The following GOLGA4 variants were observed in gnomAD, a reference collection of about 807,000 sequenced individuals.
GOLGA4 encodes the protein golgin subfamily A member 4.
In GOLGA4, 169 loss-of-function variants were observed where a neutral mutation model predicts 265.9. That is an observed-to-expected ratio of 0.64 (90% CI 0.56 to 0.72). GOLGA4 has a LOEUF of 0.72. Among genes scored for constraint, GOLGA4 ranks in the 30% least tolerant of loss-of-function variants. The pLI is 0.00. For missense variants in GOLGA4, 2,482 were observed against 2,483.4 expected, an observed-to-expected ratio of 1.00 and a Z score of 0.01; for synonymous variants, 923 against 855.8, an observed-to-expected ratio of 1.08 and a Z score of -1.37.
intron 22 of GOLGA4, among the ~76,000 whole-genome samples, chr3:37,355,410 T>TAAGA (rs1051555993): frequency 2.6e-5 from 4 of 152,108 alleles, no homozygotes; most frequent in African/African-American, 9.7e-5. Context: ...TAATACCATA[T>TAAGA]AAGAGCTTGA....
At position 37,325,222 on chromosome 3, in the gene GOLGA4, G is replaced by C. The variant is rs763015095; in HGVS notation, c.3336G>C (p.Gln1112His). The C allele has an allele frequency of 5.0e-6, 8 of 1,612,374 alleles. No individual in the cohort carries two copies. The highest frequency in any genetic ancestry group is 6.8e-6 in the Non-Finnish European group (8 of 1,178,866). Reference sequence around the variant, plus strand: ...AGGATACAACATTAAATGAATTACAGGAACAGTTAAAGCAGAAGTCTGCCC... The same window carrying C: ...AGGATACAACATTAAATGAATTACACGAACAGTTAAAGCAGAAGTCTGCCC... ...VKQDTTLNEL[Q>H]EQLKQKSAHV... The change falls in exon 14 of 24, where the codon CAG becomes CAC. Residue 1112 changes from glutamine (Q) to histidine (H), a missense_variant. This residue lies in a region of GOLGA4 where 1,536 missense variants were observed against 1,483.7 expected (regional missense o/e 1.04). Transcript: ENST00000361924.
At position 37,243,308 on chromosome 3, in the gene GOLGA4, C is replaced by G; in HGVS notation, c.-243C>G. The stretch of plus-strand genomic sequence containing the variant: ...GCCGTTGTCGTCGCCGCCGCGGCTC[C>G]CGGGGCTGGATGGGGGGCCGAGGCC... On this transcript the variant is annotated 5_prime_UTR_variant, in exon 1 of 24. Coordinates refer to ENST00000361924, the MANE Select transcript of GOLGA4 (RefSeq NM_002078.5). 1 of 554,024 alleles carries G rather than the reference C, an allele frequency of 1.8e-6. No homozygotes were observed. Among genetic ancestry groups the G allele is most frequent in the Admixed American group, 3.5e-5 (1 of 28,948 alleles). The allele number at this position is 554,024 out of a possible 1,614,324, so 34.3% of individuals were successfully genotyped here. A position where few individuals can be genotyped will look rare whatever the true frequency, so the allele number is the denominator to read the frequency against.
intron 10 of GOLGA4, among the ~76,000 whole-genome samples, chr3:37,312,379 C>A (rs886601874): frequency 6.6e-6 from 1 of 152,060 alleles, no homozygotes; most frequent in Non-Finnish European, 1.5e-5. Context: ...TCATTATTTC[C>A]GTATTTTCTG....
rs2096968589 is a variant in GOLGA4 at position 37,325,789 on chromosome 3, AAAAG to A, written c.3907_3910del (p.Glu1303IlefsTer6). 1.2e-6 allele frequency: 2 copies of A among 1,613,398 alleles called. No homozygotes were observed. The highest frequency in any genetic ancestry group is 8.5e-7 in the Non-Finnish European group (1 of 1,179,608). On this transcript the variant is annotated frameshift_variant, in exon 14 of 24. Transcript: ENST00000361924. LOFTEE classifies it high-confidence loss of function. ...AACAGGCTACTCATCAGTTAGAAGA[AAAAG>A]AAAATCAAATTAAGAGCATGAAGGC...
chr3:37,346,522 A>G (rs2097056865), intron 20 of GOLGA4, among the ~76,000 whole-genome samples: 1 of 152,204 alleles, frequency 6.6e-6, no homozygotes, highest in South Asian at 2.1e-4. Flanking sequence ...GCTGAATTTA[A>G]TAATAATACA....
chr3:37,313,710 C>T (rs1331324788), intron 10 of GOLGA4, among the ~76,000 whole-genome samples: 1 of 152,072 alleles, frequency 6.6e-6, no homozygotes, highest in Non-Finnish European at 1.5e-5. Flanking sequence ...ATATACAACC[C>T]ACATATATGT....
At position 37,312,399 on chromosome 3, in the gene GOLGA4, C is replaced by T. The variant is rs181422988; in HGVS notation, c.1235-3021C>T. 5.9e-5 allele frequency among the ~76,000 whole-genome samples: 9 copies of T among 152,024 alleles called. No individual in the cohort carries two copies. In the East Asian group the frequency reaches 7.7e-4, roughly 13 times the overall value. ...ATTTCCGTATTTTCTGTATGCTTAA[C>T]GTTAGAATTTATAGTAAAAGAATAT... On this transcript the variant is annotated intron_variant, in intron 10 of 23. Transcript: ENST00000361924.
intron 20 of GOLGA4, among the ~76,000 whole-genome samples, chr3:37,342,456 C>A (rs77742708): frequency 0.019 from 2,853 of 152,286 alleles, 45 homozygotes; most frequent in South Asian, 0.049. Flanking sequence ...TCCCTCTCAT[C>A]ATTTTTACTG....
At chr3:37,328,585 A>G (rs530127597) in intron 15 of GOLGA4, 48 bp downstream of exon 15, 29 of 1,534,168 alleles carry the variant, frequency 1.9e-5, no homozygotes, top group Non-Finnish European at 2.3e-5. Flanking sequence ...AGCAGAGGCT[A>G]TAATTTAAGC....
chr3:37,273,587 C>T (rs1235119751), intron 2 of GOLGA4: 1 of 1,481,754 alleles, frequency 6.7e-7, no homozygotes, highest in Admixed American at 2.0e-5. Flanking sequence ...TGGAAGTGAA[C>T]CAAGCATTCC....
intron 2 of GOLGA4, among the ~76,000 whole-genome samples, chr3:37,274,591 G>A (rs1204146750): frequency 6.6e-6 from 1 of 152,042 alleles, no homozygotes; most frequent in East Asian, 1.9e-4. Flanking sequence ...CTATTCAGGG[G>A]ACTGAGGCAT....
rs1396581367 is a variant in GOLGA4 at position 37,324,059 on chromosome 3, A to G, written c.2173A>G (p.Met725Val). ...AATGAAGCAGGAATTAGAGGCCAAGATGGATGAACAGAAAAATCATCACCA... is the reference window on the plus strand; with the variant it reads ...AATGAAGCAGGAATTAGAGGCCAAGGTGGATGAACAGAAAAATCATCACCA... ...DKMKQELEAK[M>V]DEQKNHHQQQ... The change falls in exon 14 of 24, where the codon ATG becomes GTG. Residue 725 changes from methionine (M) to valine (V), a missense_variant. By Grantham distance (21) the Met-to-Val change is conservative. Coordinates refer to ENST00000361924, the MANE Select transcript of GOLGA4 (RefSeq NM_002078.5). The G allele has an allele frequency of 1.9e-6, 3 of 1,614,018 alleles. No individual in the cohort carries two copies. Among genetic ancestry groups the G allele is most frequent in the African/African-American group, 1.3e-5 (1 of 74,950 alleles).
At chr3:37,344,157 A>G (rs1284573918) in intron 20 of GOLGA4, among the ~76,000 whole-genome samples, 2 of 152,220 alleles carry the variant, frequency 1.3e-5, no homozygotes, top group African/African-American at 2.4e-5. Context: ...GCTGGAGTGT[A>G]GTGGCGTAGC....
intron 23 of GOLGA4, 61 bp from the exon 24 acceptor site, chr3:37,366,019 C>A (rs903707461): frequency 4.3e-6 from 6 of 1,399,990 alleles, no homozygotes; most frequent in African/African-American, 2.9e-5. Flanking sequence ...AAAAAGTCAA[C>A]CTAAATGTTT....
intron 2 of GOLGA4, among the ~76,000 whole-genome samples, chr3:37,281,401 G>T (rs2096834265): frequency 6.6e-6 from 1 of 152,072 alleles, no homozygotes; most frequent in South Asian, 2.1e-4. Flanking sequence ...AAACAAAGTG[G>T]GTTCATTACA....
intron 2 of GOLGA4, among the ~76,000 whole-genome samples, chr3:37,255,337 A>G (rs975951568): frequency 6.6e-5 from 10 of 151,858 alleles, no homozygotes; most frequent in African/African-American, 2.4e-4. Flanking sequence ...AACTTTTTAT[A>G]TTTTTAGTAG....
At chr3:37,353,548 T>A (rs1578855528) in intron 21 of GOLGA4, among the ~76,000 whole-genome samples, 1 of 152,190 alleles carries the variant, frequency 6.6e-6, no homozygotes, top group East Asian at 1.9e-4. Flanking sequence ...ATGTTATTGT[T>A]GTTGTATTTT....
intron 20 of GOLGA4, among the ~76,000 whole-genome samples, chr3:37,345,015 G>C (rs1375354283): frequency 6.6e-6 from 1 of 151,950 alleles, no homozygotes; most frequent in Non-Finnish European, 1.5e-5. Context: ...AGGAGTTTGA[G>C]ACTAACCTGG....
intron 11 of GOLGA4, among the ~76,000 whole-genome samples, chr3:37,316,848 A>G (rs912776231): frequency 2.0e-5 from 3 of 151,816 alleles, no homozygotes; most frequent in Non-Finnish European, 4.4e-5. Flanking sequence ...TTTCCTTTAA[A>G]TGGTATCTGA....
Sources: allele counts gnomAD v4.1 joint callset (sites outside exome capture counted in the v4.1 genomes callset), GRCh38; gene constraint gnomAD v4.1.1; regional missense constraint gnomAD v4.1.1; transcripts MANE v1.5; gene names NCBI Gene and HGNC (gene_info 2026-07-23, HGNC 2026-07-21).